ZNF420: variants seen among roughly 807,000 people sequenced by gnomAD.
ZNF420 encodes the protein zinc finger protein 420.
In ZNF420, 31 loss-of-function variants were observed where a neutral mutation model predicts 44.7. The ratio of observed to expected loss-of-function variants is 0.69; its 90% CI spans 0.52 to 0.94. The LOEUF is 0.94. Ranked by LOEUF, ZNF420 falls within the 40% of genes least tolerant of loss-of-function variation. The probability of loss-of-function intolerance (pLI) is 0.00; values close to 1 mark genes in which losing one functional copy is unlikely to be tolerated. For synonymous variants in ZNF420, 245 were observed against 267.4 expected, an observed-to-expected ratio of 0.92 and a Z score of 0.82; for missense variants, 681 against 827.9, an observed-to-expected ratio of 0.82 and a Z score of 2.18.
intron 4 of ZNF420, among the ~76,000 whole-genome samples, chr19:37,105,116 G>A (rs2046048947): frequency 1.3e-5 from 2 of 152,112 alleles, no homozygotes; most frequent in Admixed American, 1.3e-4. Context: ...TTCTTCTAGG[G>A]TTTTTATGGT....
chr19:37,068,485 C>G (rs548600129), intron 1 of ZNF420, among the ~76,000 whole-genome samples: 1 of 152,060 alleles, frequency 6.6e-6, no homozygotes, highest in African/African-American at 2.4e-5. Flanking sequence ...ACTAAAAATA[C>G]AAAAATTAGC....
chr19:37,087,018 C>T (rs1456175510), intron 2 of ZNF420, among the ~76,000 whole-genome samples: 1 of 151,944 alleles, frequency 6.6e-6, no homozygotes, highest in Non-Finnish European at 1.5e-5. Flanking sequence ...CATGTGGTGG[C>T]TTATACCTAT....
chr19:37,118,168 T>C (rs1260858707), intron 4 of ZNF420, among the ~76,000 whole-genome samples: 9 of 152,046 alleles, frequency 5.9e-5, no homozygotes, highest in Admixed American at 3.3e-4. Context: ...AGACACATAA[T>C]TGTCAGATTC....
At chr19:37,012,760 A>C (rs949316305) in intron 1 of ZNF420, among the ~76,000 whole-genome samples, 1 of 101,938 alleles carries the variant, frequency 9.8e-6, no homozygotes, top group African/African-American at 3.9e-5. Flanking sequence ...CCACTGCTAT[A>C]TGTCTCTGTG....
At chr19:37,106,011 A>G (rs1240918716) in intron 4 of ZNF420, among the ~76,000 whole-genome samples, 1 of 152,180 alleles carries the variant, frequency 6.6e-6, no homozygotes, top group African/African-American at 2.4e-5. Flanking sequence ...TTCCTAATTG[A>G]ATACCCTTTC....
chr19:37,053,008 G>C (rs997126634), intron 1 of ZNF420, among the ~76,000 whole-genome samples: 6 of 152,134 alleles, frequency 3.9e-5, no homozygotes, highest in Non-Finnish European at 8.8e-5. Flanking sequence ...CCAATAAGAC[G>C]TAGATTTGGT....
intron 4 of ZNF420, among the ~76,000 whole-genome samples, chr19:37,114,656 G>A (rs1346377507): frequency 6.6e-6 from 1 of 152,064 alleles, no homozygotes; most frequent in Non-Finnish European, 1.5e-5. Context: ...ACCATTACCG[G>A]CTCTGCTACA....
At chr19:37,077,249 G>A (rs1270546832), upstream of ZNF420, among the ~76,000 whole-genome samples, 1 of 152,232 alleles carries the variant, frequency 6.6e-6, no homozygotes, top group Non-Finnish European at 1.5e-5. Flanking sequence ...ATGAGGACAA[G>A]TGTTTGACCT....
At chr19:37,030,822 A>G (rs1311220180) in intron 1 of ZNF420, among the ~76,000 whole-genome samples, 1 of 152,226 alleles carries the variant, frequency 6.6e-6, no homozygotes, top group Non-Finnish European at 1.5e-5. Flanking sequence ...AGCAAGACAC[A>G]GTATGAGTGG....
intron 4 of ZNF420, among the ~76,000 whole-genome samples, chr19:37,123,217 C>T (rs1182008860): frequency 6.6e-6 from 1 of 152,160 alleles, no homozygotes; most frequent in South Asian, 2.1e-4. Flanking sequence ...TTGTTGTAGC[C>T]GCCTAATTTC....
chr19:37,033,091 G>A (rs1190770279), intron 1 of ZNF420, among the ~76,000 whole-genome samples: 1 of 152,142 alleles, frequency 6.6e-6, no homozygotes, highest in African/African-American at 2.4e-5. Context: ...TTGGGATTGA[G>A]GGAGACTTCA....
At chr19:37,058,553 G>C (rs1180028511) in intron 1 of ZNF420, among the ~76,000 whole-genome samples, 4 of 152,276 alleles carry the variant, frequency 2.6e-5, no homozygotes, top group Non-Finnish European at 5.9e-5. Flanking sequence ...GGAGGGGTGA[G>C]GGTGGGGTGA....
chr19:37,120,502 C>T (rs1263941228), intron 4 of ZNF420, among the ~76,000 whole-genome samples: 1 of 152,122 alleles, frequency 6.6e-6, no homozygotes, highest in Non-Finnish European at 1.5e-5. Context: ...CTATGACAAA[C>T]CCACAGCCAA....
intron 4 of ZNF420, among the ~76,000 whole-genome samples, chr19:37,122,511 C>G (rs183259114): frequency 6.6e-6 from 1 of 152,010 alleles, no homozygotes; most frequent in Admixed American, 6.5e-5. Flanking sequence ...ATACCTAATG[C>G]TAAATGACGA....
chr19:37,096,966 T>A (rs1969489893), intron 4 of ZNF420, among the ~76,000 whole-genome samples: 2 of 151,530 alleles, frequency 1.3e-5, no homozygotes, highest in East Asian at 3.9e-4. Flanking sequence ...TGGCGTGATC[T>A]CGGCTCACTG....
chr19:37,023,329 C>T (rs551803641), intron 1 of ZNF420, among the ~76,000 whole-genome samples: 1 of 152,102 alleles, frequency 6.6e-6, no homozygotes, highest in African/African-American at 2.4e-5. Context: ...TTCGATAATG[C>T]AAAAATAGAA....
intron 1 of ZNF420, among the ~76,000 whole-genome samples, chr19:37,022,847 G>A (rs187653188): frequency 1.4e-3 from 215 of 152,206 alleles, no homozygotes; most frequent in African/African-American, 4.9e-3. Context: ...ATTAAGATAT[G>A]TAGCATGGGG....
chr19:37,014,651 G>A (rs760403878), intron 1 of ZNF420, among the ~76,000 whole-genome samples: 1 of 152,210 alleles, frequency 6.6e-6, no homozygotes, highest in African/African-American at 2.4e-5. Context: ...ATTGCAGCGC[G>A]CGCGAGCCGA....
chr19:37,097,805 A>G (rs950405482), intron 4 of ZNF420, among the ~76,000 whole-genome samples: 1 of 152,124 alleles, frequency 6.6e-6, no homozygotes, highest in African/African-American at 2.4e-5. Context: ...CTATGTTCCT[A>G]ATATTTTCTT....
Sources: gnomAD v4.1 joint callset for allele counts (sites outside exome capture counted in the v4.1 genomes callset) on GRCh38, gnomAD v4.1.1 for gene constraint, MANE v1.5 for transcripts, NCBI Gene and HGNC (gene_info 2026-07-23, HGNC 2026-07-21) for gene names.